Variants in SRI observed in about 807,000 individuals in gnomAD.
The protein encoded by SRI is sorcin.
In SRI, 30 loss-of-function variants were observed where a neutral mutation model predicts 33.3. The ratio of observed to expected loss-of-function variants is 0.90; its 90% CI spans 0.67 to 1.22. The LOEUF (loss-of-function observed/expected upper bound fraction) is 1.22. SRI is among the 50% of genes most tolerant of loss of function. SRI has a pLI of 0.00. For synonymous variants in SRI, 75 were observed against 89.9 expected (o/e 0.83, Z 0.94); for missense variants, 243 against 250.8 (o/e 0.97, Z 0.21).
Position 88,226,973 on chromosome 7 carries a change from G to T in SRI, c.-59C>A, listed in dbSNP as rs1032248871. 26 of 1,610,784 alleles carry T rather than the reference G, an allele frequency of 1.6e-5. No homozygotes were observed. The East Asian group carries it at 5.6e-4, about 35-fold the overall frequency. On this transcript the variant is annotated 5_prime_UTR_variant, in exon 1 of 8. Coordinates refer to the SRI transcript ENST00000394641. ...ATCCTTAGAGGATTGCCTTCTTGCAGAGTGGCCAAATAGAAGAATCAAGAA... is the reference window on the plus strand; with the variant it reads ...ATCCTTAGAGGATTGCCTTCTTGCATAGTGGCCAAATAGAAGAATCAAGAA...
upstream of SRI, chr7:88,220,131 G>A (rs777732245): frequency 4.0e-4 from 538 of 1,350,350 alleles, 1 homozygote; most frequent in Middle Eastern, 5.8e-3. Flanking sequence ...CGCACCACGC[G>A]GGCGTGGGGG....
chr7:88,206,066 C>T lies in SRI; in HGVS notation c.*412G>A, dbSNP rs1338353223. The T allele has an allele frequency of 5.3e-6, 1 of 188,078 alleles. No individual in the cohort carries two copies. The highest frequency in any genetic ancestry group is 2.4e-5 in the African/African-American group (1 of 42,446). The allele number at this position is 188,078 out of a possible 1,614,324, so 11.7% of individuals were successfully genotyped here. A position where few individuals can be genotyped will look rare whatever the true frequency, so the allele number is the denominator to read the frequency against. On this transcript the variant is annotated 3_prime_UTR_variant, in exon 8 of 8. Coordinates refer to ENST00000265729, the MANE Select transcript of SRI (RefSeq NM_003130.4). The stretch of plus-strand genomic sequence containing the variant: ...GTTGTTTTATTTCACCCAAGTGCGT[C>T]TATGTCATTTACCTAAGTTTTTATG...
Position 88,218,906 on chromosome 7 carries a change from GTCCGGGAAACGCAGGCCC to G in SRI, c.70_87del (p.Gly24_Gly29del). The G allele has an allele frequency of 1.2e-6, 2 of 1,614,064 alleles. No individual in the cohort carries two copies. Among genetic ancestry groups the G allele is most frequent in the Non-Finnish European group, 1.7e-6 (2 of 1,179,978 alleles). On this transcript the variant is annotated inframe_deletion, in exon 2 of 8. Transcript: ENST00000265729. Reference sequence around the variant, plus strand: ...TAACCATACAGCGGATCCTGAGTTTGTCCGGGAAACGCAGGCCCTCCGGGAGCCCCTCCATACTGTGAA... The same window carrying G: ...TAACCATACAGCGGATCCTGAGTTTGTCCGGGAGCCCCTCCATACTGTGAA...
chr7:88,219,540 T>TTTTGTTTG (rs373452972), intron 1 of SRI: 5 of 174,610 alleles, frequency 2.9e-5, no homozygotes, highest in African/African-American at 7.5e-5. Context: ...CTCACTCGTT[T>TTTTGTTTG]TTTGTTTGTT....
upstream of SRI, chr7:88,220,183 G>T (rs1851856155): frequency 1.5e-6 from 2 of 1,314,142 alleles, no homozygotes; most frequent in African/African-American, 1.6e-5. Flanking sequence ...TGTGCGCGCG[G>T]CCGTGGCTCC....
In SRI at chr7:88,205,474, T is replaced by C. The variant is rs571369928; in HGVS notation, c.*1004A>G. On this transcript the variant is annotated 3_prime_UTR_variant, in exon 8 of 8. Transcript: ENST00000265729. ...GCCAGCATTAGAATTCAGATCTTAC[T>C]TGAAAGTGTACAGCTTAAAATTTTT... is the stretch of plus-strand genomic sequence containing the variant. 6.6e-6 allele frequency: 1 copy of C among 152,330 alleles called. No homozygotes were observed. The highest frequency in any genetic ancestry group is 1.5e-5 in the Non-Finnish European group (1 of 68,020). The allele number at this position is 152,330 out of a possible 1,614,324, so 9.4% of individuals were successfully genotyped here.
chr7:88,220,926 T>C (rs1384365674), upstream of SRI, among the ~76,000 whole-genome samples: 2 of 152,220 alleles, frequency 1.3e-5, no homozygotes, highest in Non-Finnish European at 2.9e-5. Context: ...ACTTCATATA[T>C]TTTTCTATCT....
intron 3 of SRI, chr7:88,216,575 A>C (rs1851721876): frequency 6.5e-6 from 1 of 154,874 alleles, no homozygotes. Context: ...CCACCAGGTC[A>C]GGGCAGAGTA....
At chr7:88,208,384 T>G in intron 7 of SRI, 123 bp downstream of exon 7, 1 of 1,450,348 alleles carries the variant, frequency 6.9e-7, no homozygotes, top group Non-Finnish European at 9.1e-7. Flanking sequence ...CTTTCTAACT[T>G]TTGAATCCCT....
rs200449322 is a variant in SRI at position 88,209,378 on chromosome 7, C to A, written c.472G>T (p.Asp158Tyr). The A allele has an allele frequency of 6.2e-7, 1 of 1,614,002 alleles. No homozygotes were observed. The highest frequency in any genetic ancestry group is 1.1e-5 in the South Asian group (1 of 91,064). ...AGTTTGACGCAGCAGGCGATGTAGTCGTCGAAGGTGATCTTTCCATTGGTG... is the reference window on the plus strand; with the variant it reads ...AGTTTGACGCAGCAGGCGATGTAGTAGTCGAAGGTGATCTTTCCATTGGTG... ...YSTNGKITFD[D>Y]YIACCVKLRA... The change falls in exon 6 of 8, where the codon GAC becomes TAC. Residue 158 changes from aspartate to tyrosine, a missense_variant. By Grantham distance (160) the Asp-to-Tyr change is radical. Coordinates refer to ENST00000265729, the MANE Select transcript of SRI (RefSeq NM_003130.4).
intron 1 of SRI, among the ~76,000 whole-genome samples, chr7:88,225,674 C>G (rs1851978687): frequency 6.6e-6 from 1 of 152,180 alleles, no homozygotes; most frequent in Non-Finnish European, 1.5e-5. Context: ...CTTTTCTCAA[C>G]CTCACGCTAT....
rs1458828440 is a variant in SRI at position 88,210,102 on chromosome 7, T to C, written c.278A>G (p.Asn93Ser). 6.2e-7 allele frequency: 1 copy of C among 1,614,174 alleles called. No homozygotes were observed. Among genetic ancestry groups the C allele is most frequent in the Admixed American group, 1.7e-5 (1 of 60,022 alleles). ...DRDMSGTMGF[N>S]EFKELWAVLN... ...TACAGCCCAGAGTTCTTTAAATTCA[T>C]TGAAACCCATTGTGCCAGACATATC... Residue 93 changes from asparagine to serine, a missense_variant, in exon 5 of 8, where the codon AAT becomes AGT. Transcript: ENST00000265729.
At chr7:88,221,434 T>C (rs547991116), upstream of SRI, among the ~76,000 whole-genome samples, 1 of 152,320 alleles carries the variant, frequency 6.6e-6, no homozygotes, top group African/African-American at 2.4e-5. Flanking sequence ...TCAAGGTAGA[T>C]GAGACATCTA....
chr7:88,215,051 G>A, intron 3 of SRI: 4 of 418,686 alleles, frequency 9.6e-6, no homozygotes, highest in South Asian at 5.1e-5. Flanking sequence ...GTTAAGAAGG[G>A]CCCATAGGCT....
In SRI at chr7:88,206,385, T is replaced by C; in HGVS notation, c.*93A>G. The C allele has an allele frequency of 1.4e-6, 2 of 1,407,002 alleles. No individual in the cohort carries two copies. The highest frequency in any genetic ancestry group is 2.0e-6 in the Non-Finnish European group (2 of 991,312). 87.2% of individuals were successfully genotyped at this position (1,407,002 alleles called of 1,614,324 possible). A position where few individuals can be genotyped will look rare whatever the true frequency, so the allele number is the denominator to read the frequency against. On this transcript the variant is annotated 3_prime_UTR_variant, in exon 8 of 8. Transcript: ENST00000265729. ...AACAGCTGTTAAGAGAAAGTCGTGA[T>C]GTAAGTTTATACATATTACCGAAGG...
At chr7:88,220,180 G>C, upstream of SRI, 1 of 1,315,444 alleles carries the variant, frequency 7.6e-7, no homozygotes, top group East Asian at 3.2e-5. Context: ...GCCTGTGCGC[G>C]CGGCCGTGGC....
Position 88,208,504 on chromosome 7 carries a change from T to C in SRI, c.570+3A>G, listed in dbSNP as rs369582830. The stretch of plus-strand genomic sequence containing the variant: ...ACTGTATCTCTTAATTTCTAAGACT[T>C]ACATCATCATATGGGAAATTCACAA... On this transcript the variant is annotated splice_donor_region_variant and intron_variant, in intron 7 of 7. Coordinates refer to ENST00000265729, the MANE Select transcript of SRI (RefSeq NM_003130.4). 6.8e-6 allele frequency: 11 copies of C among 1,613,724 alleles called. No individual in the cohort carries two copies. Among genetic ancestry groups the C allele is most frequent in the African/African-American group, 5.3e-5 (4 of 74,936 alleles).
intron 7 of SRI, 138 bp downstream of exon 7, chr7:88,208,369 T>C: frequency 2.8e-6 from 4 of 1,426,154 alleles, no homozygotes; most frequent in Admixed American, 2.8e-5. Context: ...TTCTGGATGA[T>C]AACTCTTTCT....
At chr7:88,207,941 T>C (rs900957221) in intron 7 of SRI, 3 of 152,006 alleles carry the variant, frequency 2.0e-5, no homozygotes, top group East Asian at 3.9e-4. Context: ...TGAGCTGACA[T>C]TGCGCCACTG....
Sources: allele counts gnomAD v4.1 joint callset (sites outside exome capture counted in the v4.1 genomes callset), GRCh38; gene constraint gnomAD v4.1.1; transcripts MANE v1.5; gene names NCBI Gene and HGNC (gene_info 2026-07-23, HGNC 2026-07-21).